Variants in INVS observed in about 807,000 individuals in gnomAD.
The protein encoded by INVS is inversin, also known as inversion of embryo turning homolog.
INVS carries 86 observed loss-of-function variants against 108.8 expected under a neutral mutation model. That is an observed-to-expected ratio of 0.79 (90% confidence interval 0.66 to 0.95). The LOEUF (loss-of-function observed/expected upper bound fraction) is 0.95, where lower values mean the gene tolerates loss of function less well. INVS is among the 40% of genes least tolerant of loss of function. INVS has a pLI of 0.00. For missense variants in INVS, 1,169 were observed against 1,297.4 expected, an observed-to-expected ratio of 0.90 and a Z score of 1.52; for synonymous variants, 455 against 473.5, an observed-to-expected ratio of 0.96 and a Z score of 0.51.
intron 10 of INVS, among the ~76,000 whole-genome samples, chr9:100,263,697 C>T (rs943561005): frequency 6.6e-6 from 1 of 152,182 alleles, no homozygotes; most frequent in Non-Finnish European, 1.5e-5. Context: ...TTCACAGGTA[C>T]CAGGCACTAG....
At chr9:100,236,890 T>C (rs1831703182) in intron 5 of INVS, among the ~76,000 whole-genome samples, 1 of 152,142 alleles carries the variant, frequency 6.6e-6, no homozygotes, top group Non-Finnish European at 1.5e-5. Flanking sequence ...AAGCACTCTG[T>C]TGGGAGATCT....
chr9:100,140,469 T>C (rs796438646), intron 3 of INVS, among the ~76,000 whole-genome samples: 32 of 152,086 alleles, frequency 2.1e-4, no homozygotes, highest in African/African-American at 7.0e-4. Context: ...AAGGCAAGAA[T>C]AGGCCATTTT....
rs748105375 is a variant in INVS, at chr9:100,296,904, C to G, written c.2787-13C>G. 6.2e-7 allele frequency: 1 copy of G among 1,611,678 alleles called. No homozygotes were observed. On this transcript the variant is annotated splice_polypyrimidine_tract_variant and intron_variant, in intron 14 of 16. Coordinates refer to ENST00000262457, the MANE Select transcript of INVS (RefSeq NM_014425.5). ...GTGATCTTAAAGCCTCTCCTCTCCTCTGACCCAACCAGCTACCAGCTCAGG... is the reference window on the plus strand; with the variant it reads ...GTGATCTTAAAGCCTCTCCTCTCCTGTGACCCAACCAGCTACCAGCTCAGG...
intron 3 of INVS, among the ~76,000 whole-genome samples, chr9:100,188,921 TG>T (rs1191250931): frequency 1.3e-5 from 2 of 151,954 alleles, no homozygotes; most frequent in African/African-American, 4.8e-5. Flanking sequence ...TAATTGAAGA[TG>T]GGGGGCTGTG....
chr9:100,247,544 A>AT (rs1275885549), intron 8 of INVS, among the ~76,000 whole-genome samples: 1 of 151,962 alleles, frequency 6.6e-6, no homozygotes, highest in Non-Finnish European at 1.5e-5. Context: ...TCTCCATGTT[A>AT]TTTTTTTTAT....
chr9:100,301,653 A>G lies in INVS; in HGVS notation c.*979A>G, dbSNP rs1833973297. Among the ~76,000 whole-genome samples, 1 of 152,170 alleles carries G rather than the reference A, an allele frequency of 6.6e-6. No individual in the cohort carries two copies. Among genetic ancestry groups the G allele is most frequent in the Non-Finnish European group, 1.5e-5 (1 of 68,014 alleles). On this transcript the variant is annotated 3_prime_UTR_variant, in exon 17 of 17. Transcript: ENST00000262457. ...TTAAGGGGAAAGCTGCTGTGAGAATATTGACAGTAGGCATAAACAGTGATA... is the reference window on the plus strand; with the variant it reads ...TTAAGGGGAAAGCTGCTGTGAGAATGTTGACAGTAGGCATAAACAGTGATA...
At chr9:100,179,656 A>C (rs550969796) in intron 3 of INVS, among the ~76,000 whole-genome samples, 67 of 152,258 alleles carry the variant, frequency 4.4e-4, no homozygotes, top group South Asian at 1.9e-3. Flanking sequence ...GTTCTCAGAG[A>C]CCTACAAAGA....
rs1215759776 is a variant in INVS at position 100,240,259 on chromosome 9, C to T, written c.796+19C>T. 5.0e-6 allele frequency: 8 copies of T among 1,599,870 alleles called. No individual in the cohort carries two copies. The highest frequency in any genetic ancestry group is 2.7e-5 in the African/African-American group (2 of 74,648). On this transcript the variant is annotated intron_variant, in intron 6 of 16. Coordinates refer to ENST00000262457, the MANE Select transcript of INVS (RefSeq NM_014425.5). ...TTATTAGGTACGTGACTCAAAGGAT[C>T]AACAGTAAAAGGAACTTCATGAGTA... is the stretch of plus-strand genomic sequence containing the variant.
At chr9:100,255,131 AC>A (rs1447758487) in intron 10 of INVS, among the ~76,000 whole-genome samples, 2 of 152,160 alleles carry the variant, frequency 1.3e-5, no homozygotes, top group African/African-American at 4.8e-5. Flanking sequence ...GAGGTCCTTC[AC>A]ATCCCTTGTA....
At chr9:100,246,989 C>T (rs1832067036) in intron 8 of INVS, among the ~76,000 whole-genome samples, 1 of 151,966 alleles carries the variant, frequency 6.6e-6, no homozygotes, top group African/African-American at 2.4e-5. Context: ...CAAAGATTAG[C>T]ATGTTTCTAC....
At chr9:100,254,951 A>G (rs1832368093) in intron 10 of INVS, among the ~76,000 whole-genome samples, 2 of 152,194 alleles carry the variant, frequency 1.3e-5, no homozygotes, top group Admixed American at 1.3e-4. Context: ...CAATTCTGTG[A>G]AGAAAGTCAT....
chr9:100,216,566 A>G (rs923788766), intron 3 of INVS, among the ~76,000 whole-genome samples: 1 of 152,226 alleles, frequency 6.6e-6, no homozygotes, highest in African/African-American at 2.4e-5. Context: ...ACTCTGTCCT[A>G]TTAGGCAAGG....
At chr9:100,140,322 G>T (rs78005540) in intron 3 of INVS, among the ~76,000 whole-genome samples, 1 of 152,094 alleles carries the variant, frequency 6.6e-6, no homozygotes, top group Non-Finnish European at 1.5e-5. Context: ...TAAGATTTGG[G>T]TAGGTAAAGG....
intron 15 of INVS, 103 bp downstream of exon 15, chr9:100,297,249 T>C: frequency 1.0e-6 from 1 of 953,628 alleles, no homozygotes; most frequent in South Asian, 1.4e-5. Context: ...TCCATTCAGA[T>C]AAATTAGGTT....
intron 6 of INVS, among the ~76,000 whole-genome samples, chr9:100,242,305 A>G (rs750187370): frequency 4.6e-5 from 7 of 152,174 alleles, no homozygotes; most frequent in Non-Finnish European, 8.8e-5. Context: ...GATACCTAAT[A>G]TAGTTTTTTC....
intron 5 of INVS, among the ~76,000 whole-genome samples, chr9:100,234,787 C>T (rs1000495898): frequency 1.3e-5 from 2 of 151,950 alleles, no homozygotes; most frequent in Admixed American, 6.6e-5. Context: ...CTTCCAATTA[C>T]GTGGTCAATT....
At position 100,300,700 on chromosome 9, in the gene INVS, G is replaced by A. The variant is rs539515536; in HGVS notation, c.*26G>A. The stretch of plus-strand genomic sequence containing the variant: ...CTGCCTATGGAGGAAGACTGTGTTC[G>A]GGGGAGCTGGCATAGCTAGTGCAGA... On this transcript the variant is annotated 3_prime_UTR_variant, in exon 17 of 17. Coordinates refer to ENST00000262457, the MANE Select transcript of INVS (RefSeq NM_014425.5). The A allele has an allele frequency of 3.7e-5, 55 of 1,504,572 alleles. 1 individual carries two copies. In the South Asian group the frequency reaches 3.8e-4, roughly 10 times the overall value. 93.2% of individuals were successfully genotyped at this position (1,504,572 alleles called of 1,614,324 possible). A position where few individuals can be genotyped will look rare whatever the true frequency, so the allele number is the denominator to read the frequency against.
In INVS at chr9:100,293,027, CA is replaced by C; in HGVS notation, c.2771del (p.Gln924ArgfsTer19). ...RKKNKAAAVIQRAWRSYQLRK... is the reference protein window; with the variant it reads ...RKKNKAAAVIXRAWRSYQLRK... ...AAAGAACAAGGCAGCAGCAGTCATCCAGCGCGCCTGGCGAAGGTAGGAAAAT... is the reference window on the plus strand; with the variant it reads ...AAAGAACAAGGCAGCAGCAGTCATCCGCGCGCCTGGCGAAGGTAGGAAAAT... On this transcript the variant is annotated frameshift_variant, in exon 14 of 17. Transcript: ENST00000262457. LOFTEE classifies it high-confidence loss of function. The C allele has an allele frequency of 6.2e-7, 1 of 1,613,848 alleles. No individual in the cohort carries two copies. Among genetic ancestry groups the C allele is most frequent in the Non-Finnish European group, 8.5e-7 (1 of 1,180,014 alleles).
chr9:100,114,878 A>T (rs1827459983), intron 2 of INVS, among the ~76,000 whole-genome samples: 1 of 152,238 alleles, frequency 6.6e-6, no homozygotes, highest in African/African-American at 2.4e-5. Flanking sequence ...GTGTTTAGCA[A>T]TTATGAATAA....
Sources: gnomAD v4.1 joint callset for allele counts (sites outside exome capture counted in the v4.1 genomes callset) on GRCh38, gnomAD v4.1.1 for gene constraint, MANE v1.5 for transcripts, NCBI Gene and HGNC (gene_info 2026-07-23, HGNC 2026-07-21) for gene names.